Variants in PRELID2 observed in about 807,000 individuals in gnomAD.
The protein encoded by PRELID2 is PRELI domain containing 2.
A neutral mutation model predicts 28.4 loss-of-function variants in PRELID2; 25 were observed. That is an observed-to-expected ratio of 0.88 (90% CI 0.64 to 1.23). The LOEUF is 1.23. PRELID2 is among the 50% of genes most tolerant of loss of function. The probability of loss-of-function intolerance (pLI) is 0.00; values close to 1 mark genes in which losing one functional copy is unlikely to be tolerated. For missense variants in PRELID2, 201 were observed against 214.4 expected (o/e 0.94, Z 0.39); for synonymous variants, 76 against 71.6 (o/e 1.06, Z -0.31).
intron 1 of PRELID2, among the ~76,000 whole-genome samples, chr5:145,600,434 A>AAAT (rs1315631607): frequency 9.2e-5 from 11 of 120,114 alleles, no homozygotes; most frequent in African/African-American, 2.4e-4. Context: ...AAAAAAAAAA[A>AAAT]ATATATATAT....
chr5:145,318,668 C>T, the PRELID2 span, among the ~76,000 whole-genome samples: 1 of 152,174 alleles, frequency 6.6e-6, no homozygotes, highest in African/African-American at 2.4e-5. Context: ...GGAACCAGGA[C>T]AAGGGCTTTT....
At chr5:145,732,435 T>C (rs1044583547) in intron 1 of PRELID2, among the ~76,000 whole-genome samples, 1 of 152,236 alleles carries the variant, frequency 6.6e-6, no homozygotes, top group African/African-American at 2.4e-5. Flanking sequence ...CTTTCTACAT[T>C]GATGGACATG....
At chr5:145,405,406 A>G in the PRELID2 span, among the ~76,000 whole-genome samples, 1 of 152,192 alleles carries the variant, frequency 6.6e-6, no homozygotes. Context: ...TATGTCATTT[A>G]TAAAGAAAAG....
intron 1 of PRELID2, among the ~76,000 whole-genome samples, chr5:145,744,229 G>A (rs2149744425): frequency 6.6e-6 from 1 of 152,370 alleles, no homozygotes; most frequent in Non-Finnish European, 1.5e-5. Flanking sequence ...CAGACCAGGA[G>A]ACTTAGCCTT....
At chr5:145,397,404 T>C in the PRELID2 span, among the ~76,000 whole-genome samples, 722 of 152,242 alleles carry the variant, frequency 4.7e-3, 4 homozygotes, top group Middle Eastern at 0.01. Context: ...TATCATATTG[T>C]CCACTGAGGG....
At chr5:145,394,946 C>T in the PRELID2 span, among the ~76,000 whole-genome samples, 1 of 152,116 alleles carries the variant, frequency 6.6e-6, no homozygotes, top group African/African-American at 2.4e-5. Context: ...CCATCATCAT[C>T]ATGGTTATTA....
At chr5:145,571,981 CAA>C (rs557402967) in intron 1 of PRELID2, among the ~76,000 whole-genome samples, 2 of 100,864 alleles carry the variant, frequency 2.0e-5, no homozygotes. Flanking sequence ...GACTCCGTCT[CAA>C]AAAAAAAAAA....
At chr5:145,620,445 T>C (rs571887118) in intron 1 of PRELID2, among the ~76,000 whole-genome samples, 6 of 152,320 alleles carry the variant, frequency 3.9e-5, no homozygotes, top group African/African-American at 4.8e-5. Flanking sequence ...GTTAGAAAGG[T>C]AGCACTTTTG....
chr5:145,484,306 C>T (rs950710254), intron 1 of PRELID2, among the ~76,000 whole-genome samples: 2 of 152,154 alleles, frequency 1.3e-5, no homozygotes, highest in African/African-American at 4.8e-5. Flanking sequence ...AGAAACAATG[C>T]TATGAGCACA....
the PRELID2 span, among the ~76,000 whole-genome samples, chr5:145,463,518 G>A: frequency 6.6e-6 from 1 of 151,966 alleles, no homozygotes; most frequent in African/African-American, 2.4e-5. Context: ...TTTGCATTGA[G>A]CAAGTAGTCA....
At chr5:145,571,709 C>T (rs1051170753) in intron 1 of PRELID2, among the ~76,000 whole-genome samples, 19 of 151,962 alleles carry the variant, frequency 1.3e-4, no homozygotes, top group African/African-American at 2.7e-4. Context: ...TGGCCAGGTG[C>T]GGTGGTTCAC....
chr5:145,387,832 T>C, the PRELID2 span, among the ~76,000 whole-genome samples: 3 of 150,880 alleles, frequency 2.0e-5, no homozygotes, highest in Non-Finnish European at 4.4e-5. Context: ...TTCTGGAGGC[T>C]GAGGTGGGAG....
At chr5:145,322,197 C>T in the PRELID2 span, among the ~76,000 whole-genome samples, 1 of 152,304 alleles carries the variant, frequency 6.6e-6, no homozygotes, top group Middle Eastern at 3.4e-3. Context: ...TAATACATCT[C>T]CTTACCCTTC....
At chr5:145,261,133 C>A in the PRELID2 span, among the ~76,000 whole-genome samples, 1 of 152,130 alleles carries the variant, frequency 6.6e-6, no homozygotes, top group Non-Finnish European at 1.5e-5. Context: ...CTGAGAACCA[C>A]ACTCCCATCC....
At chr5:145,767,112 A>T (rs1341370376) in intron 5 of PRELID2, among the ~76,000 whole-genome samples, 4 of 151,506 alleles carry the variant, frequency 2.6e-5, no homozygotes, top group Non-Finnish European at 5.9e-5. Context: ...CTTTTCCAAA[A>T]CCACCCTGGC....
rs139096113 is a variant in PRELID2 at position 145,827,396 on chromosome 5, G to A, written c.76-4262C>T. 1.8e-3 allele frequency among the ~76,000 whole-genome samples: 275 copies of A among 152,264 alleles called. 5 individuals carry two copies. Among genetic ancestry groups the A allele is most frequent in the Admixed American group, 0.016 (245 of 15,296 alleles). On this transcript the variant is annotated intron_variant, in intron 1 of 6. Coordinates refer to ENST00000683046, the MANE Select transcript of PRELID2 (RefSeq NM_205846.3). ...AACGTACTTAAGTTGAAAAGTATTT[G>A]GAATGGCTGTTCATTGGTCTTTCAA...
chr5:145,593,415 G>A (rs1580989861), intron 1 of PRELID2, among the ~76,000 whole-genome samples: 1 of 152,278 alleles, frequency 6.6e-6, no homozygotes, highest in East Asian at 1.9e-4. Context: ...ATTTCAAGAA[G>A]ACCCAAGAGT....
At chr5:145,608,238 A>G (rs1411531788) in intron 1 of PRELID2, among the ~76,000 whole-genome samples, 1 of 151,898 alleles carries the variant, frequency 6.6e-6, no homozygotes, top group African/African-American at 2.4e-5. Context: ...ATTGCTCATT[A>G]ACATTCAAGG....
intron 1 of PRELID2, among the ~76,000 whole-genome samples, chr5:145,558,114 A>G (rs542117087): frequency 7.9e-5 from 12 of 152,218 alleles, no homozygotes; most frequent in Non-Finnish European, 1.2e-4. Flanking sequence ...ATACTGACCT[A>G]GATGTGTGGC....
Sources: allele counts gnomAD v4.1 joint callset (sites outside exome capture counted in the v4.1 genomes callset), GRCh38; gene constraint gnomAD v4.1.1; transcripts MANE v1.5; gene names NCBI Gene and HGNC (gene_info 2026-07-23, HGNC 2026-07-21).